EPHA4: variants seen among roughly 807,000 people sequenced by gnomAD.
EPHA4 encodes the protein ephrin type-A receptor 4.
In EPHA4, 19 loss-of-function variants were observed where a neutral mutation model predicts 108.3. That is an observed-to-expected ratio of 0.18 (90% CI 0.12 to 0.26). EPHA4 has a LOEUF of 0.26. Among genes scored for constraint, EPHA4 ranks in the 10% least tolerant of loss-of-function variants. EPHA4 has a pLI of 1.00. For missense variants in EPHA4, 917 were observed against 1,254.0 expected (o/e 0.73, Z 4.06); for synonymous variants, 449 against 455.5 (o/e 0.99, Z 0.18).
At chr2:221,566,902 G>GAGAAGGAGAAGGAGA (rs1694665010) in intron 2 of EPHA4, among the ~76,000 whole-genome samples, 1 of 36,810 alleles carries the variant, frequency 2.7e-5, no homozygotes, top group Non-Finnish European at 4.6e-5. Flanking sequence ...GAAGGAGAAG[G>GAGAAGGAGAAGGAGA]AGAAGGAGAA....
At chr2:221,461,047 T>C (rs1300606904) in intron 5 of EPHA4, among the ~76,000 whole-genome samples, 2 of 152,212 alleles carry the variant, frequency 1.3e-5, no homozygotes, top group African/African-American at 4.8e-5. Flanking sequence ...TATCAATGTT[T>C]GCTGGACACT....
At chr2:221,430,434 C>T (rs1011806895) in intron 14 of EPHA4, among the ~76,000 whole-genome samples, 6 of 152,186 alleles carry the variant, frequency 3.9e-5, no homozygotes, top group Non-Finnish European at 7.3e-5. Flanking sequence ...GTTTTGGTGA[C>T]GGCCCTCAGA....
intron 2 of EPHA4, among the ~76,000 whole-genome samples, chr2:221,565,481 T>C (rs993545372): frequency 2.6e-5 from 4 of 152,226 alleles, no homozygotes; most frequent in African/African-American, 9.6e-5. Context: ...TGAATATAAT[T>C]AGAAGGAACA....
intron 3 of EPHA4, among the ~76,000 whole-genome samples, chr2:221,558,766 T>C (rs1694372422): frequency 6.6e-6 from 1 of 151,950 alleles, no homozygotes; most frequent in African/African-American, 2.4e-5. Flanking sequence ...AAAAAAAAAG[T>C]ATATCAGAAA....
intron 5 of EPHA4, among the ~76,000 whole-genome samples, chr2:221,477,459 G>A (rs964197080): frequency 2.0e-5 from 3 of 152,176 alleles, no homozygotes; most frequent in Admixed American, 6.5e-5. Context: ...TGGGGATGCT[G>A]TGTTGTGAAT....
At chr2:221,430,630 C>T (rs1438690389) in intron 14 of EPHA4, among the ~76,000 whole-genome samples, 1 of 152,192 alleles carries the variant, frequency 6.6e-6, no homozygotes, top group Non-Finnish European at 1.5e-5. Context: ...GCCCTGTCCT[C>T]TTACATAGAC....
At chr2:221,449,414 TG>T (rs1415937116) in intron 8 of EPHA4, among the ~76,000 whole-genome samples, 1 of 152,220 alleles carries the variant, frequency 6.6e-6, no homozygotes, top group Non-Finnish European at 1.5e-5. Flanking sequence ...AGGAAAACTT[TG>T]TTGAAGGTTT....
chr2:221,426,402 A>C, intron 16 of EPHA4, 62 bp downstream of exon 16: 3 of 1,534,854 alleles, frequency 2.0e-6, no homozygotes, highest in Non-Finnish European at 2.6e-6. Flanking sequence ...AGCTCAAAGC[A>C]AAAAAAGAAA....
At chr2:221,474,737 C>T (rs534905549) in intron 5 of EPHA4, among the ~76,000 whole-genome samples, 20 of 152,256 alleles carry the variant, frequency 1.3e-4, no homozygotes, top group African/African-American at 4.6e-4. Flanking sequence ...TTCATTTTCT[C>T]GATTTCACTA....
intron 3 of EPHA4, among the ~76,000 whole-genome samples, chr2:221,548,632 T>G (rs1047620142): frequency 6.6e-6 from 1 of 152,132 alleles, no homozygotes; most frequent in Non-Finnish European, 1.5e-5. Context: ...AAACATGATA[T>G]TGATTTTGAA....
chr2:221,435,804 A>C (rs1418358564), intron 13 of EPHA4, among the ~76,000 whole-genome samples: 2 of 152,172 alleles, frequency 1.3e-5, no homozygotes, highest in African/African-American at 4.8e-5. Context: ...CATGGTATAA[A>C]TGTTTTATAA....
At chr2:221,427,166 G>A (rs1453578990) in intron 15 of EPHA4, among the ~76,000 whole-genome samples, 1 of 152,224 alleles carries the variant, frequency 6.6e-6, no homozygotes. Flanking sequence ...ACTTGGGACA[G>A]CAGGGAGTTA....
Position 221,530,638 on chromosome 2 carries a change from A to C in EPHA4, c.824-29466T>G, listed in dbSNP as rs75527141. 3.4e-3 allele frequency among the ~76,000 whole-genome samples: 517 copies of C among 152,274 alleles called. 1 individual carries two copies. The highest frequency in any genetic ancestry group is 0.012 in the African/African-American group (487 of 41,546). ...AGAGAAACCACCCGAAAAAGCTACT[A>C]GGCTAGGAATTCTTAAATCTGAGGG... On this transcript the variant is annotated intron_variant, in intron 3 of 17. Transcript: ENST00000281821.
chr2:221,492,271 G>A lies in EPHA4; in HGVS notation c.979+8746C>T, dbSNP rs577215706. On this transcript the variant is annotated intron_variant, in intron 4 of 17. Coordinates refer to ENST00000281821, the MANE Select transcript of EPHA4 (RefSeq NM_004438.5). The stretch of plus-strand genomic sequence containing the variant: ...ACTTGGGCATATATTAGTGTCCCTC[G>A]AATCTTTGCATTTTCCAGTGGAATC... Among the ~76,000 whole-genome samples the A allele has an allele frequency of 3.3e-5, 5 of 152,186 alleles. No homozygotes were observed. The East Asian group carries it at 5.8e-4, about 18-fold the overall frequency.
intron 4 of EPHA4, among the ~76,000 whole-genome samples, chr2:221,483,936 A>G (rs1691904877): frequency 6.6e-6 from 1 of 152,162 alleles, no homozygotes; most frequent in South Asian, 2.1e-4. Flanking sequence ...CCACACTCAA[A>G]CGAGACATAG....
intron 3 of EPHA4, among the ~76,000 whole-genome samples, chr2:221,550,580 C>T (rs562387747): frequency 1.1e-3 from 173 of 152,190 alleles, no homozygotes; most frequent in African/African-American, 3.9e-3. Context: ...TCTTATTTAA[C>T]ACTAAGTATA....
At chr2:221,439,952 C>T (rs7601641) in intron 11 of EPHA4, among the ~76,000 whole-genome samples, 34,999 of 152,134 alleles carry the variant, frequency 0.23, 4,077 homozygotes, top group Non-Finnish European at 0.25. Flanking sequence ...CCTCCCTAGT[C>T]GGACTCTTGG....
chr2:221,533,042 T>A (rs1182830228), intron 3 of EPHA4: 1 of 151,836 alleles, frequency 6.6e-6, no homozygotes, highest in African/African-American at 2.4e-5. Context: ...CTTTTGGGGG[T>A]GATTTGTTTA....
Position 221,554,430 on chromosome 2 carries a change from C to T in EPHA4, c.823+9301G>A, listed in dbSNP as rs73089666. ...TCCTCTTCTTCTAGTTTATAGAATGCATATATGATCGTGGCCTTTCAGAAG... is the reference window on the plus strand; with the variant it reads ...TCCTCTTCTTCTAGTTTATAGAATGTATATATGATCGTGGCCTTTCAGAAG... On this transcript the variant is annotated intron_variant, in intron 3 of 17. Coordinates refer to ENST00000281821, the MANE Select transcript of EPHA4 (RefSeq NM_004438.5). 4.5e-3 allele frequency among the ~76,000 whole-genome samples: 681 copies of T among 152,304 alleles called. 2 individuals are homozygous for T. The highest frequency in any genetic ancestry group is 0.015 in the African/African-American group (633 of 41,562).
Sources: allele counts gnomAD v4.1 joint callset (sites outside exome capture counted in the v4.1 genomes callset), GRCh38; gene constraint gnomAD v4.1.1; transcripts MANE v1.5; gene names NCBI Gene and HGNC (gene_info 2026-07-23, HGNC 2026-07-21).